Variants in NCOA6 observed in about 807,000 individuals in gnomAD.
NCOA6 encodes NRC RAP250.
A neutral mutation model predicts 171.4 loss-of-function variants in NCOA6; 49 were observed. That is an observed-to-expected ratio of 0.29 (90% CI 0.23 to 0.36). NCOA6 has a LOEUF of 0.36. Ranked by LOEUF, NCOA6 falls within the 10% of genes least tolerant of loss-of-function variation. NCOA6 has a pLI of 1.00. For missense variants in NCOA6, 2,248 were observed against 2,554.5 expected (o/e 0.88, Z 2.59); for synonymous variants, 910 against 927.5 (o/e 0.98, Z 0.34).
At chr20:34,783,313 A>C (rs1036719928) in intron 2 of NCOA6, among the ~76,000 whole-genome samples, 4 of 152,094 alleles carry the variant, frequency 2.6e-5, no homozygotes, top group Non-Finnish European at 5.9e-5. Context: ...TGGACAGGTA[A>C]TCTTTATGGA....
chr20:34,736,790 T>C (rs2075973043), intron 11 of NCOA6, 32 bp from the exon 12 acceptor site: 2 of 1,561,964 alleles, frequency 1.3e-6, no homozygotes, highest in African/African-American at 2.7e-5. Context: ...TACAGACCTT[T>C]TACTTTCTTT....
At position 34,758,887 on chromosome 20, in the gene NCOA6, A is replaced by G; in HGVS notation, c.561T>C (p.Gly187=). Residue 187 remains glycine, a synonymous_variant, in exon 6 of 15, where the codon GGT becomes GGC. Coordinates refer to ENST00000359003, the MANE Select transcript of NCOA6 (RefSeq NM_014071.5). ...CCATCATGGAAGATGACACATTTCC[A>G]CCCGGGGGTATCATAACAGTGGCAG... ...NNPATVMIPP[G]GNVSSSMMAP... The G allele has an allele frequency of 1.9e-6, 3 of 1,613,832 alleles. No individual in the cohort carries two copies. Among genetic ancestry groups the G allele is most frequent in the Non-Finnish European group, 2.5e-6 (3 of 1,179,914 alleles).
chr20:34,746,700 C>A (rs1341838080), intron 10 of NCOA6, 107 bp downstream of exon 10: 3 of 1,260,444 alleles, frequency 2.4e-6, no homozygotes, highest in African/African-American at 1.5e-5. Context: ...CTGAAGTAGA[C>A]TAGTTAGCAG....
At chr20:34,777,670 T>C (rs1251057519) in intron 3 of NCOA6, among the ~76,000 whole-genome samples, 1 of 150,556 alleles carries the variant, frequency 6.6e-6, no homozygotes, top group Non-Finnish European at 1.5e-5. Flanking sequence ...TGTAAAAGGA[T>C]ACAAGCTGCT....
At chr20:34,776,658 T>C in intron 3 of NCOA6, 4 of 676,948 alleles carry the variant, frequency 5.9e-6, no homozygotes, top group Non-Finnish European at 1.1e-5. Flanking sequence ...ATTTAACCTT[T>C]CTGAAACTTA....
chr20:34,777,594 G>A (rs186410505), intron 3 of NCOA6, among the ~76,000 whole-genome samples: 1 of 151,022 alleles, frequency 6.6e-6, no homozygotes. Context: ...CAGCCTGGGT[G>A]ACAGAACAAG....
At chr20:34,771,413 GT>G (rs2077147507) in intron 4 of NCOA6, among the ~76,000 whole-genome samples, 2 of 152,166 alleles carry the variant, frequency 1.3e-5, no homozygotes, top group African/African-American at 4.8e-5. Context: ...GGGATTACAG[GT>G]GTGAGCCACT....
chr20:34,764,703 T>C (rs981851851), intron 5 of NCOA6, among the ~76,000 whole-genome samples: 23 of 151,816 alleles, frequency 1.5e-4, no homozygotes, highest in Non-Finnish European at 2.5e-4. Flanking sequence ...AAAAAAGTTA[T>C]ATTTTAAGTT....
At chr20:34,731,148 TAG>T (rs1990564645) in intron 13 of NCOA6, among the ~76,000 whole-genome samples, 1 of 152,188 alleles carries the variant, frequency 6.6e-6, no homozygotes. Context: ...GCCTCCCAAG[TAG>T]CTGGGATTAT....
At chr20:34,725,575 C>T (rs529126043) in intron 14 of NCOA6, among the ~76,000 whole-genome samples, 1 of 152,308 alleles carries the variant, frequency 6.6e-6, no homozygotes, top group Admixed American at 6.5e-5. Context: ...TAGGTTGAAG[C>T]TTTTGGACTT....
chr20:34,760,608 G>A (rs1475584957), intron 5 of NCOA6, among the ~76,000 whole-genome samples: 1 of 151,986 alleles, frequency 6.6e-6, no homozygotes, highest in Non-Finnish European at 1.5e-5. Context: ...AAAACCATCT[G>A]GGCCTATAGG....
At chr20:34,769,238 TG>T (rs2077067183) in intron 4 of NCOA6, among the ~76,000 whole-genome samples, 1 of 152,186 alleles carries the variant, frequency 6.6e-6, no homozygotes, top group Admixed American at 6.5e-5. Flanking sequence ...TCACCCAGGC[TG>T]CAGTGCAGTG....
intron 14 of NCOA6, among the ~76,000 whole-genome samples, chr20:34,719,937 T>C (rs1989117422): frequency 1.3e-5 from 2 of 152,212 alleles, no homozygotes; most frequent in Non-Finnish European, 1.5e-5. Context: ...TATATCTTTA[T>C]ACCCTGTGTT....
chr20:34,728,726 C>G (rs533051771), intron 13 of NCOA6, among the ~76,000 whole-genome samples: 8 of 152,114 alleles, frequency 5.3e-5, no homozygotes, highest in Non-Finnish European at 1.0e-4. Context: ...GACCTAAATA[C>G]CTAACGATAG....
At chr20:34,760,368 T>C (rs1236306947) in intron 5 of NCOA6, among the ~76,000 whole-genome samples, 2 of 152,226 alleles carry the variant, frequency 1.3e-5, no homozygotes, top group South Asian at 2.1e-4. Flanking sequence ...CAGGACTAAG[T>C]TGGCCAAAGC....
intron 1 of NCOA6, among the ~76,000 whole-genome samples, chr20:34,825,085 C>T (rs1433315258): frequency 6.6e-6 from 1 of 152,090 alleles, no homozygotes; most frequent in Non-Finnish European, 1.5e-5. Context: ...GTTCCTTCTC[C>T]GCGACCCTGA....
intron 10 of NCOA6, among the ~76,000 whole-genome samples, chr20:34,745,293 T>C (rs1214428714): frequency 6.6e-6 from 1 of 152,122 alleles, no homozygotes; most frequent in African/African-American, 2.4e-5. Flanking sequence ...CTCAAAACCA[T>C]TATAGGCCAA....
rs76843590 is a variant in NCOA6 at position 34,766,543 on chromosome 20, C to T, written c.514+1921G>A. 3.9e-5 allele frequency among the ~76,000 whole-genome samples: 6 copies of T among 152,218 alleles called. No individual in the cohort carries two copies. The East Asian group carries it at 1.2e-3, about 29-fold the overall frequency. ...CTGCAGGGCTGAGACAGGAGGAACACTTGACCCTGTCTCAAAAAAAAAGCA... is the reference window on the plus strand; with the variant it reads ...CTGCAGGGCTGAGACAGGAGGAACATTTGACCCTGTCTCAAAAAAAAAGCA... On this transcript the variant is annotated intron_variant, in intron 5 of 14. Coordinates refer to ENST00000359003, the MANE Select transcript of NCOA6 (RefSeq NM_014071.5).
chr20:34,796,003 A>ATTT (rs569229378), intron 1 of NCOA6, among the ~76,000 whole-genome samples: 101 of 95,764 alleles, frequency 1.1e-3, no homozygotes, highest in East Asian at 1.4e-3. Flanking sequence ...ATATGTTTGA[A>ATTT]TTTTTTTTTT....
Sources: gnomAD v4.1 joint callset for allele counts (sites outside exome capture counted in the v4.1 genomes callset) on GRCh38, gnomAD v4.1.1 for gene constraint, MANE v1.5 for transcripts, NCBI Gene and HGNC (gene_info 2026-07-23, HGNC 2026-07-21) for gene names.